Variants in CNTN1 observed in about 807,000 individuals in gnomAD.
CNTN1 encodes the protein contactin-1.
A neutral mutation model predicts 126.4 loss-of-function variants in CNTN1; 38 were observed. The ratio of observed to expected loss-of-function variants is 0.30; its 90% CI spans 0.23 to 0.39. CNTN1 has a LOEUF of 0.39. CNTN1 is among the 10% of genes least tolerant of loss of function. The pLI is 1.00. For missense variants in CNTN1, 1,009 were observed against 1,248.4 expected (o/e 0.81, Z 2.89); for synonymous variants, 413 against 422.6 (o/e 0.98, Z 0.28).
chr12:40,844,317 C>T (rs1279547408), intron 1 of CNTN1, among the ~76,000 whole-genome samples: 1 of 151,912 alleles, frequency 6.6e-6, no homozygotes, highest in Non-Finnish European at 1.5e-5. Flanking sequence ...ACACCCGCCT[C>T]GGCCTCCCAA....
chr12:40,798,118 T>C (rs542607012), intron 1 of CNTN1, among the ~76,000 whole-genome samples: 19 of 151,932 alleles, frequency 1.3e-4, no homozygotes, highest in African/African-American at 4.6e-4. Context: ...GGAGAGAGGA[T>C]GAAATGAGAA....
intron 1 of CNTN1, among the ~76,000 whole-genome samples, chr12:40,714,698 A>G (rs1942005547): frequency 6.6e-6 from 1 of 152,164 alleles, no homozygotes. Context: ...ATGCAAGATT[A>G]TATTTCAGTG....
At chr12:40,914,229 A>G (rs1945150238) in intron 3 of CNTN1, among the ~76,000 whole-genome samples, 1 of 152,158 alleles carries the variant, frequency 6.6e-6, no homozygotes, top group African/African-American at 2.4e-5. Context: ...TGAGAACATA[A>G]TGCTTACATT....
chr12:41,048,236 G>T (rs1949589193), intron 23 of CNTN1, among the ~76,000 whole-genome samples: 1 of 152,126 alleles, frequency 6.6e-6, no homozygotes, highest in Non-Finnish European at 1.5e-5. Flanking sequence ...AACTTCAAGT[G>T]GGCCCATAGT....
intron 1 of CNTN1, among the ~76,000 whole-genome samples, chr12:40,707,991 A>G (rs1941814243): frequency 6.6e-6 from 1 of 152,214 alleles, no homozygotes; most frequent in African/African-American, 2.4e-5. Context: ...TAACTCTTCC[A>G]ATGACTTTTT....
At chr12:40,951,264 C>T (rs965557242) in intron 14 of CNTN1, among the ~76,000 whole-genome samples, 2 of 151,956 alleles carry the variant, frequency 1.3e-5, no homozygotes, top group African/African-American at 4.8e-5. Context: ...TTATTACATA[C>T]AAAAATAGCC....
At position 41,042,294 on chromosome 12, in the gene CNTN1, T is replaced by C. The variant is rs567015854; in HGVS notation, c.2980+13075T>C. 7.6e-3 allele frequency among the ~76,000 whole-genome samples: 1,164 copies of C among 152,280 alleles called. 11 individuals are homozygous for C. The highest frequency in any genetic ancestry group is 0.027 in the African/African-American group (1,118 of 41,552). On this transcript the variant is annotated intron_variant, in intron 23 of 23. Coordinates refer to ENST00000551295, the MANE Select transcript of CNTN1 (RefSeq NM_001843.4). ...TGGTCTGAGAGACAGTTTGTTATAATTTCTGTTCTTTTACATTTGCTGAGG... is the reference window on the plus strand; with the variant it reads ...TGGTCTGAGAGACAGTTTGTTATAACTTCTGTTCTTTTACATTTGCTGAGG...
intron 1 of CNTN1, among the ~76,000 whole-genome samples, chr12:40,904,922 G>C (rs983770145): frequency 6.6e-6 from 1 of 152,144 alleles, no homozygotes; most frequent in Non-Finnish European, 1.5e-5. Context: ...AATAATAAAT[G>C]GTTACTGAAT....
chr12:40,819,988 C>G (rs970842922), intron 1 of CNTN1, among the ~76,000 whole-genome samples: 1 of 152,298 alleles, frequency 6.6e-6, no homozygotes, highest in Admixed American at 6.5e-5. Context: ...GTCATGCCAG[C>G]CTTCTAGTCA....
In CNTN1 at chr12:40,933,717, G is replaced by C; in HGVS notation, c.824G>C (p.Trp275Ser). ...TAAAGTCCTGTTCCGGATATCCGAT[G>C]GCGGAAGGTTCTAGAACCAATGCCA... ...ALGNPVPDIR[W>S]RKVLEPMPST... is the part of the protein sequence containing the mutation. Residue 275 changes from tryptophan to serine, a missense_variant, in exon 9 of 24, where the codon TGG (tryptophan) becomes TCG (serine). Physicochemically the swap from Trp to Ser is radical, Grantham distance 177. Coordinates refer to ENST00000551295, the MANE Select transcript of CNTN1 (RefSeq NM_001843.4). 1 of 1,612,754 alleles carries C rather than the reference G, an allele frequency of 6.2e-7. No homozygotes were observed. The highest frequency in any genetic ancestry group is 8.5e-7 in the Non-Finnish European group (1 of 1,179,102).
intron 3 of CNTN1, among the ~76,000 whole-genome samples, chr12:40,911,970 A>G (rs1011266033): frequency 2.0e-5 from 3 of 150,950 alleles, no homozygotes; most frequent in African/African-American, 7.3e-5. Flanking sequence ...TAGTCAACCA[A>G]CAATGTCTGC....
intron 1 of CNTN1, among the ~76,000 whole-genome samples, chr12:40,714,492 C>T (rs1228014356): frequency 6.6e-6 from 1 of 151,978 alleles, no homozygotes; most frequent in Non-Finnish European, 1.5e-5. Context: ...TCAAGATGCT[C>T]TTATGTTTTA....
intron 1 of CNTN1, among the ~76,000 whole-genome samples, chr12:40,906,741 A>C (rs962184973): frequency 1.5e-5 from 2 of 135,430 alleles, no homozygotes; most frequent in Non-Finnish European, 3.1e-5. Context: ...AGTGGTGTGA[A>C]GATCTCGGCT....
chr12:40,940,079 T>C (rs1407072982), intron 12 of CNTN1, among the ~76,000 whole-genome samples: 1 of 152,146 alleles, frequency 6.6e-6, no homozygotes, highest in Non-Finnish European at 1.5e-5. Context: ...CTGAATAGTT[T>C]ATATGTATCC....
chr12:40,966,213 G>C (rs1456027785), intron 15 of CNTN1, among the ~76,000 whole-genome samples: 1 of 152,064 alleles, frequency 6.6e-6, no homozygotes, highest in Non-Finnish European at 1.5e-5. Context: ...CTTTCCACTT[G>C]CTCTGGCCAA....
chr12:41,020,470 A>G (rs768168241), intron 20 of CNTN1, 30 bp downstream of exon 20: 1 of 1,352,074 alleles, frequency 7.4e-7, no homozygotes, highest in Non-Finnish European at 1.1e-6. Flanking sequence ...AACTAAATAC[A>G]TTTATTCATA....
intron 1 of CNTN1, among the ~76,000 whole-genome samples, chr12:40,774,253 A>C (rs1277265953): frequency 1.3e-5 from 2 of 151,654 alleles, no homozygotes; most frequent in East Asian, 3.9e-4. Context: ...GATTGGTGAC[A>C]AAAGGAAGGA....
intron 1 of CNTN1, among the ~76,000 whole-genome samples, chr12:40,901,420 G>A (rs754027924): frequency 3.3e-5 from 5 of 151,970 alleles, no homozygotes; most frequent in Admixed American, 2.0e-4. Flanking sequence ...TGAGTAAATC[G>A]CAAGATAATA....
intron 1 of CNTN1, among the ~76,000 whole-genome samples, chr12:40,805,322 C>T (rs1482859576): frequency 2.6e-5 from 4 of 152,066 alleles, no homozygotes; most frequent in Admixed American, 2.6e-4. Context: ...GTTCCAGAGT[C>T]CTTGGAAGCT....
Sources: gnomAD v4.1 joint callset for allele counts (sites outside exome capture counted in the v4.1 genomes callset) on GRCh38, gnomAD v4.1.1 for gene constraint, MANE v1.5 for transcripts, NCBI Gene and HGNC (gene_info 2026-07-23, HGNC 2026-07-21) for gene names.